TEAD1: variants seen among roughly 807,000 people sequenced by gnomAD.
TEAD1 encodes the protein transcriptional enhancer factor TEF-1.
In TEAD1, 9 loss-of-function variants were observed where a neutral mutation model predicts 54.9. The ratio of observed to expected loss-of-function variants is 0.16; its 90% confidence interval spans 0.10 to 0.29. The LOEUF is 0.29. Ranked by LOEUF, TEAD1 falls within the 10% of genes least tolerant of loss-of-function variation. The probability of loss-of-function intolerance (pLI) is 1.00; values close to 1 mark genes in which losing one functional copy is unlikely to be tolerated. For missense variants in TEAD1, 387 were observed against 535.9 expected (o/e 0.72, Z 2.74); for synonymous variants, 200 against 187.8 (o/e 1.07, Z -0.53).
intron 2 of TEAD1, among the ~76,000 whole-genome samples, chr11:12,735,459 T>C (rs117652398): frequency 0.018 from 2,693 of 152,174 alleles, 43 homozygotes; most frequent in Admixed American, 0.03. Context: ...TACAAAGTGG[T>C]GGAATGTGTA....
intron 3 of TEAD1, among the ~76,000 whole-genome samples, chr11:12,814,237 G>GC (rs759606462): frequency 1.1e-4 from 17 of 152,172 alleles, no homozygotes; most frequent in Admixed American, 2.0e-4. Context: ...GGACCTGGAC[G>GC]CCCGGGGAGT....
At chr11:12,851,759 A>G (rs967377848) in intron 3 of TEAD1, among the ~76,000 whole-genome samples, 1 of 151,806 alleles carries the variant, frequency 6.6e-6, no homozygotes, top group Non-Finnish European at 1.5e-5. Flanking sequence ...ATTCCACTGC[A>G]CTCCAGACTG....
chr11:12,929,854 A>G (rs73411224), intron 11 of TEAD1, among the ~76,000 whole-genome samples: 5 of 152,264 alleles, frequency 3.3e-5, no homozygotes, highest in African/African-American at 1.2e-4. Context: ...GCCTGCTCTT[A>G]CAGATCTCCT....
At chr11:12,677,155 G>GT (rs1030598614) in intron 2 of TEAD1, among the ~76,000 whole-genome samples, 8 of 151,860 alleles carry the variant, frequency 5.3e-5, no homozygotes, top group Middle Eastern at 3.4e-3. Flanking sequence ...GGGTTGGAGG[G>GT]TTTTTTTTCT....
At chr11:12,692,675 GCGGTAAACT>G (rs1271712770) in intron 2 of TEAD1, among the ~76,000 whole-genome samples, 3 of 152,124 alleles carry the variant, frequency 2.0e-5, no homozygotes, top group Non-Finnish European at 2.9e-5. Flanking sequence ...TCTGTGCCCC[GCGGTAAACT>G]CAGTTTCACA....
chr11:12,884,771 A>G (rs1948051958), intron 9 of TEAD1, among the ~76,000 whole-genome samples: 1 of 152,212 alleles, frequency 6.6e-6, no homozygotes, highest in Non-Finnish European at 1.5e-5. Flanking sequence ...GGCCAACTGG[A>G]TGACTCCTTC....
intron 3 of TEAD1, among the ~76,000 whole-genome samples, chr11:12,813,846 G>A (rs940311835): frequency 1.1e-4 from 16 of 152,232 alleles, no homozygotes; most frequent in African/African-American, 3.9e-4. Flanking sequence ...ATTTAGCTGG[G>A]GTGTGTCCTC....
chr11:12,890,368 C>T (rs1373045907), intron 9 of TEAD1, among the ~76,000 whole-genome samples: 1 of 152,192 alleles, frequency 6.6e-6, no homozygotes, highest in Non-Finnish European at 1.5e-5. Context: ...CCTATTCCAA[C>T]CCATGGAAAA....
chr11:12,714,756 G>C (rs1228697231), intron 2 of TEAD1, among the ~76,000 whole-genome samples: 1 of 152,092 alleles, frequency 6.6e-6, no homozygotes, highest in Non-Finnish European at 1.5e-5. Flanking sequence ...GATTTCTTCC[G>C]AGGCCCCTCT....
At chr11:12,770,409 C>G (rs909675923) in intron 3 of TEAD1, among the ~76,000 whole-genome samples, 1 of 152,138 alleles carries the variant, frequency 6.6e-6, no homozygotes, top group Non-Finnish European at 1.5e-5. Flanking sequence ...TGGATGAGCC[C>G]TGGGATTCAG....
At chr11:12,912,490 G>A (rs2134143967) in intron 10 of TEAD1, among the ~76,000 whole-genome samples, 1 of 152,276 alleles carries the variant, frequency 6.6e-6, no homozygotes, top group Non-Finnish European at 1.5e-5. Context: ...CTCATGTACA[G>A]ACAAGGAGTC....
At chr11:12,892,379 C>A (rs1564979983) in intron 9 of TEAD1, among the ~76,000 whole-genome samples, 1 of 152,160 alleles carries the variant, frequency 6.6e-6, no homozygotes, top group Admixed American at 6.5e-5. Context: ...GTGGTTCATG[C>A]CTGTAAACCC....
chr11:12,906,385 C>T (rs960798934), intron 10 of TEAD1, among the ~76,000 whole-genome samples: 9 of 151,654 alleles, frequency 5.9e-5, no homozygotes, highest in Admixed American at 6.6e-5. Context: ...ACTAAAAATA[C>T]AAAAAATTAG....
At chr11:12,858,828 G>A (rs1371756) in intron 3 of TEAD1, among the ~76,000 whole-genome samples, 152,191 of 152,312 alleles carry the variant, frequency 1, 76,035 homozygotes, top group Non-Finnish European at 1. Context: ...TGAGAAATAC[G>A]TCATCAGGTG....
chr11:12,919,250 A>G (rs1948764541), intron 10 of TEAD1, among the ~76,000 whole-genome samples: 1 of 152,068 alleles, frequency 6.6e-6, no homozygotes, highest in Admixed American at 6.5e-5. Flanking sequence ...TCCATTCCAA[A>G]TGGAAGCTAT....
intron 5 of TEAD1, among the ~76,000 whole-genome samples, chr11:12,873,821 A>C (rs1456490200): frequency 6.6e-6 from 1 of 152,264 alleles, no homozygotes; most frequent in African/African-American, 2.4e-5. Context: ...GTGGAGCCAC[A>C]TAGTGCAAGA....
At chr11:12,814,575 A>C (rs1946374692) in intron 3 of TEAD1, among the ~76,000 whole-genome samples, 1 of 152,192 alleles carries the variant, frequency 6.6e-6, no homozygotes, top group African/African-American at 2.4e-5. Flanking sequence ...ATGGAAGGGA[A>C]GACCAGATTG....
At chr11:12,776,784 A>G (rs11601251) in intron 3 of TEAD1, among the ~76,000 whole-genome samples, 14,313 of 125,556 alleles carry the variant, frequency 0.11, 935 homozygotes, top group Non-Finnish European at 0.14. Flanking sequence ...TATTATTATT[A>G]TTATTATTAT....
chr11:12,885,431 G>T (rs1416748486), intron 9 of TEAD1, among the ~76,000 whole-genome samples: 1 of 152,010 alleles, frequency 6.6e-6, no homozygotes, highest in Admixed American at 6.5e-5. Context: ...TAGAGACGGG[G>T]TTTCACCGTG....
Sources: gnomAD v4.1 joint callset for allele counts (sites outside exome capture counted in the v4.1 genomes callset) on GRCh38, gnomAD v4.1.1 for gene constraint, MANE v1.5 for transcripts, NCBI Gene and HGNC (gene_info 2026-07-23, HGNC 2026-07-21) for gene names.